RAB11FIP5: variants seen among roughly 807,000 people sequenced by gnomAD.
RAB11FIP5 encodes RAB11 family interacting protein 5.
Under a neutral mutation model 85.1 loss-of-function variants are expected in RAB11FIP5, and 48 were observed. The observed-to-expected ratio is 0.56, with a 90% CI of 0.45 to 0.72. The LOEUF (loss-of-function observed/expected upper bound fraction) is 0.72. RAB11FIP5 is among the 30% of genes least tolerant of loss of function. The pLI, the probability that RAB11FIP5 is intolerant of heterozygous loss-of-function variation, is 0.00. For synonymous variants in RAB11FIP5, 729 were observed against 727.3 expected (o/e 1.00, Z -0.04); for missense variants, 1,491 against 1,687.0 (o/e 0.88, Z 2.04).
Position 73,074,137 on chromosome 2 carries a change from C to T in RAB11FIP5, c.*1384G>A, listed in dbSNP as rs1366915994. ...GACAGATACTTCATTTCAAAGTGCA[C>T]TGCAGCCAAGCCAGGCAAGCCCCTG... On this transcript the variant is annotated 3_prime_UTR_variant, in exon 6 of 6. Transcript: ENST00000486777. 1 of 152,280 alleles carries T rather than the reference C, an allele frequency of 6.6e-6. No individual in the cohort carries two copies. The highest frequency in any genetic ancestry group is 2.4e-5 in the African/African-American group (1 of 41,460). The allele number at this position is 152,280 out of a possible 1,614,324, so 9.4% of individuals were successfully genotyped here.
At position 73,081,029 on chromosome 2, in the gene RAB11FIP5, C is replaced by G; in HGVS notation, c.2203G>C (p.Ala735Pro). ...PLDLGPNHQSASAADPGLLGS... is the reference protein window; with the variant it reads ...PLDLGPNHQSPSAADPGLLGS... ...AGGAGCCCTGGGTCAGCCGCGCTCG[C>G]GCTCTGGTGGTTCGGTCCCAAGTCC... The change falls in exon 4 of 6, where the codon GCG (alanine) becomes CCG (proline). Residue 735 changes from alanine to proline, a missense_variant. This residue lies in a region of RAB11FIP5 where 1,211 missense variants were observed against 1,338.0 expected (regional missense o/e 0.91). Transcript: ENST00000486777. This position sits in a 1 kb window ranked among gnomAD's most constrained non-coding sequence, Gnocchi z 4.2. 2.4e-6 allele frequency: 3 copies of G among 1,232,566 alleles called. No individual in the cohort carries two copies. The highest frequency in any genetic ancestry group is 3.0e-6 in the Non-Finnish European group (3 of 988,266). 76.4% of individuals were successfully genotyped at this position (1,232,566 alleles called of 1,614,324 possible).
chr2:73,084,813 C>T (rs1479481715), intron 3 of RAB11FIP5, among the ~76,000 whole-genome samples: 1 of 152,208 alleles, frequency 6.6e-6, no homozygotes, highest in African/African-American at 2.4e-5. Flanking sequence ...CAGGCAATCC[C>T]CCAAAGGCCG....
At chr2:73,091,294 T>C (rs1684204409) in intron 1 of RAB11FIP5, among the ~76,000 whole-genome samples, 1 of 152,168 alleles carries the variant, frequency 6.6e-6, no homozygotes, top group Admixed American at 6.5e-5. Flanking sequence ...GGGCACCACA[T>C]GAAGGAATGT....
intron 1 of RAB11FIP5, among the ~76,000 whole-genome samples, chr2:73,097,847 C>T (rs750389052): frequency 6.6e-6 from 1 of 152,212 alleles, no homozygotes; most frequent in Non-Finnish European, 1.5e-5. Context: ...AGATGTGGGA[C>T]GCATCCAGCT....
chr2:73,112,695 G>T lies in RAB11FIP5; in HGVS notation c.83C>A (p.Ala28Asp). Residue 28 changes from alanine to aspartate, a missense_variant, in exon 1 of 6, where the codon GCC (alanine) becomes GAC (aspartate). Ala to Asp is a moderately radical substitution (Grantham distance 126). This residue lies in a region of RAB11FIP5 where 1,211 missense variants were observed against 1,338.0 expected (regional missense o/e 0.91). Coordinates refer to ENST00000486777, the MANE Select transcript of RAB11FIP5 (RefSeq NM_001371272.1). ...PTHVQVTVLR[A>D]RGLRGKSSGA... is the part of the protein sequence containing the mutation. Reference sequence around the variant, plus strand: ...CGAGCTCTTGCCCCGCAGCCCGCGGGCCCGCAGCACCGTCACCTGGACGTG... The same window carrying T: ...CGAGCTCTTGCCCCGCAGCCCGCGGTCCCGCAGCACCGTCACCTGGACGTG... The T allele has an allele frequency of 6.3e-7, 1 of 1,578,490 alleles. No homozygotes were observed. The highest frequency in any genetic ancestry group is 8.6e-7 in the Non-Finnish European group (1 of 1,164,496).
chr2:73,080,487 C>T lies in RAB11FIP5; in HGVS notation c.2745G>A (p.Glu915=). ...PRLFTPSRSQ[E]EEEEKAAVGL... ...CCACTGCGGCCTTCTCCTCCTCCTCCTCCTGGGATCTTGAGGGTGTGAAGA... is the reference window on the plus strand; with the variant it reads ...CCACTGCGGCCTTCTCCTCCTCCTCTTCCTGGGATCTTGAGGGTGTGAAGA... The change falls in exon 4 of 6, where the codon GAG becomes GAA. Residue 915 remains glutamate, a synonymous_variant. Coordinates refer to ENST00000486777, the MANE Select transcript of RAB11FIP5 (RefSeq NM_001371272.1). The T allele has an allele frequency of 8.1e-7, 1 of 1,233,588 alleles. No homozygotes were observed. Among genetic ancestry groups the T allele is most frequent in the Non-Finnish European group, 1.0e-6 (1 of 988,746 alleles). 76.4% of individuals were successfully genotyped at this position (1,233,588 alleles called of 1,614,324 possible). A position where few individuals can be genotyped will look rare whatever the true frequency, so the allele number is the denominator to read the frequency against.
intron 1 of RAB11FIP5, among the ~76,000 whole-genome samples, chr2:73,104,605 G>A (rs1015501438): frequency 1.6e-4 from 25 of 152,080 alleles, no homozygotes; most frequent in Non-Finnish European, 2.8e-4. Flanking sequence ...TAAATAGGAA[G>A]TAAAGAAAGT....
At chr2:73,099,120 G>A (rs1684382619) in intron 1 of RAB11FIP5, among the ~76,000 whole-genome samples, 1 of 149,930 alleles carries the variant, frequency 6.7e-6, no homozygotes, top group Non-Finnish European at 1.5e-5. Flanking sequence ...CACAGTCTCG[G>A]CTCACTGAAA....
Position 73,081,310 on chromosome 2 carries a change from G to T in RAB11FIP5, c.1922C>A (p.Pro641His). The change falls in exon 4 of 6, where the codon CCT becomes CAT. Residue 641 changes from proline (P) to histidine (H), a missense_variant. Physicochemically the swap from Pro to His is moderately conservative, Grantham distance 77. This residue lies in a region of RAB11FIP5 where 1,211 missense variants were observed against 1,338.0 expected (regional missense o/e 0.91). Transcript: ENST00000486777. This position sits in a 1 kb window ranked among gnomAD's most constrained non-coding sequence, Gnocchi z 4.2. ...SRASPTPLAS[P>H]GKALPEWDNT... Reference sequence around the variant, plus strand: ...GTCCCACTCAGGCAGGGCTTTCCCAGGGGAGGCCAGGGGGGTGGGGCTGGC... The same window carrying T: ...GTCCCACTCAGGCAGGGCTTTCCCATGGGAGGCCAGGGGGGTGGGGCTGGC... 2 of 1,232,832 alleles carry T rather than the reference G, an allele frequency of 1.6e-6. No individual in the cohort carries two copies. The highest frequency in any genetic ancestry group is 2.0e-6 in the Non-Finnish European group (2 of 988,464). 76.4% of individuals were successfully genotyped at this position (1,232,832 alleles called of 1,614,324 possible).
At chr2:73,106,534 A>G (rs762923219) in intron 1 of RAB11FIP5, among the ~76,000 whole-genome samples, 4 of 151,374 alleles carry the variant, frequency 2.6e-5, no homozygotes, top group Non-Finnish European at 4.4e-5. Flanking sequence ...TTGGCCTTTC[A>G]GGCCTCTAGA....
intron 1 of RAB11FIP5, among the ~76,000 whole-genome samples, chr2:73,108,670 G>A (rs1684578138): frequency 1.3e-5 from 2 of 152,208 alleles, no homozygotes; most frequent in South Asian, 4.1e-4. Flanking sequence ...AGGGAACAAG[G>A]AAAACTAACT....
chr2:73,076,340 T>C (rs1260381665), intron 4 of RAB11FIP5, among the ~76,000 whole-genome samples, 158 bp from the exon 5 acceptor site: 1 of 152,044 alleles, frequency 6.6e-6, no homozygotes, highest in Non-Finnish European at 1.5e-5. Context: ...GGCAGCGGTG[T>C]CCAGTACTCC....
chr2:73,107,820 G>C (rs535431054), intron 1 of RAB11FIP5, among the ~76,000 whole-genome samples: 8 of 152,098 alleles, frequency 5.3e-5, no homozygotes, highest in Non-Finnish European at 1.2e-4. Flanking sequence ...CTCTGGGGCC[G>C]AGCAGGAGCC....
rs1684700516 is a variant in RAB11FIP5, at chr2:73,112,930, C to T, written c.-153G>A. ...GGCCGGGCCGACCGGCCGCCGCCTC[C>T]CCGCCTCACCGGGCCGCTGGCCGCG... On this transcript the variant is annotated 5_prime_UTR_variant, in exon 1 of 6. Transcript: ENST00000486777. The T allele has an allele frequency of 9.0e-6, 5 of 552,850 alleles. No individual in the cohort carries two copies. The South Asian group carries it at 3.5e-4, about 39-fold the overall frequency. The allele number at this position is 552,850 out of a possible 1,614,324, so 34.2% of individuals were successfully genotyped here. A position where few individuals can be genotyped will look rare whatever the true frequency, so the allele number is the denominator to read the frequency against.
chr2:73,094,652 C>G (rs898780443), intron 1 of RAB11FIP5, among the ~76,000 whole-genome samples: 5 of 152,182 alleles, frequency 3.3e-5, no homozygotes, highest in Non-Finnish European at 7.3e-5. Flanking sequence ...TAACGCTTTA[C>G]ATCACTTTAA....
intron 1 of RAB11FIP5, among the ~76,000 whole-genome samples, chr2:73,094,573 T>C (rs1684282035): frequency 6.6e-6 from 1 of 152,076 alleles, no homozygotes; most frequent in Non-Finnish European, 1.5e-5. Context: ...TCTCAGTGGG[T>C]TTGGGGGTGG....
Position 73,079,957 on chromosome 2 carries a change from G to A in RAB11FIP5, c.3275C>T (p.Ser1092Phe). The A allele has an allele frequency of 8.1e-7, 1 of 1,232,306 alleles. No individual in the cohort carries two copies. 76.3% of individuals were successfully genotyped at this position (1,232,306 alleles called of 1,614,324 possible). Residue 1092 changes from serine to phenylalanine, a missense_variant, in exon 4 of 6, where the codon TCT becomes TTT. Ser to Phe is a radical substitution (Grantham distance 155). Around this residue, in one of 3 missense-constraint regions of RAB11FIP5, gnomAD observed 48 missense variants for 89.9 expected, o/e 0.53. Coordinates refer to ENST00000486777, the MANE Select transcript of RAB11FIP5 (RefSeq NM_001371272.1). Reference sequence around the variant, plus strand: ...GGGAGTGGGCAGCTCTTCTGGACCAGAATGAATAGAAGATTCCCTCGACCC... The same window carrying A: ...GGGAGTGGGCAGCTCTTCTGGACCAAAATGAATAGAAGATTCCCTCGACCC... ...PPGSRESSIH[S>F]GPEELPTPPE...
At chr2:73,095,547 T>G (rs1353720435) in intron 1 of RAB11FIP5, among the ~76,000 whole-genome samples, 2 of 152,198 alleles carry the variant, frequency 1.3e-5, no homozygotes, top group Non-Finnish European at 2.9e-5. Context: ...TGCTGAGGGC[T>G]CACTGTGTGC....
chr2:73,094,980 G>A (rs1297208499), intron 1 of RAB11FIP5, among the ~76,000 whole-genome samples: 1 of 151,958 alleles, frequency 6.6e-6, no homozygotes, highest in Non-Finnish European at 1.5e-5. Context: ...AGGAAGGACA[G>A]TGATTCTGCC....
Sources: allele counts gnomAD v4.1 joint callset (sites outside exome capture counted in the v4.1 genomes callset), GRCh38; gene constraint gnomAD v4.1.1; regional missense constraint gnomAD v4.1.1; non-coding constraint Gnocchi (gnomAD v3.1); transcripts MANE v1.5; gene names NCBI Gene and HGNC (gene_info 2026-07-23, HGNC 2026-07-21).